Variants in NUP153 observed in about 807,000 individuals in gnomAD.
NUP153 encodes nucleoporin 153, also known as nuclear pore complex protein Nup153.
A neutral mutation model predicts 134.6 loss-of-function variants in NUP153; 27 were observed. The ratio of observed to expected loss-of-function variants is 0.20; its 90% CI spans 0.15 to 0.28. The LOEUF (loss-of-function observed/expected upper bound fraction) is 0.28, where lower values mean the gene tolerates loss of function less well. NUP153 is among the 10% of genes least tolerant of loss of function. The pLI, the probability that NUP153 is intolerant of heterozygous loss-of-function variation, is 1.00. For synonymous variants in NUP153, 640 were observed against 623.5 expected (o/e 1.03, Z -0.40); for missense variants, 1,821 against 1,731.3 (o/e 1.05, Z -0.92).
intron 8 of NUP153, among the ~76,000 whole-genome samples, chr6:17,668,186 C>G (rs1475349340): frequency 6.7e-6 from 1 of 150,032 alleles, no homozygotes; most frequent in African/African-American, 2.5e-5. Flanking sequence ...AGTGATTCTC[C>G]TGCCTCAGCC....
chr6:17,681,841 G>A (rs1768598577), intron 2 of NUP153, among the ~76,000 whole-genome samples: 1 of 152,052 alleles, frequency 6.6e-6, no homozygotes, highest in South Asian at 2.1e-4. Context: ...GGAGAAAAGT[G>A]ATAGGATAAT....
At chr6:17,649,569 C>G (rs1296647960) in intron 11 of NUP153, among the ~76,000 whole-genome samples, 1 of 8,158 alleles carries the variant, frequency 1.2e-4, no homozygotes, top group East Asian at 0.05. Flanking sequence ...CGATATACTA[C>G]AGTTGTACTA....
intron 1 of NUP153, among the ~76,000 whole-genome samples, chr6:17,702,245 T>C (rs956303498): frequency 3.3e-5 from 5 of 152,092 alleles, no homozygotes; most frequent in African/African-American, 4.8e-5. Flanking sequence ...AGGTAGCTCA[T>C]GCCTGTAATA....
In NUP153 at chr6:17,706,477, G is replaced by A; in HGVS notation, c.-90C>T. The A allele has an allele frequency of 2.0e-6, 2 of 981,782 alleles. No individual in the cohort carries two copies. Among genetic ancestry groups the A allele is most frequent in the Non-Finnish European group, 1.5e-6 (1 of 669,330 alleles). The allele number at this position is 981,782 out of a possible 1,614,324, so 60.8% of individuals were successfully genotyped here. ...CCTTAGAGAGCCTCCCCCGCCGCCCGGCCCCGGCCCAAAAGTCCGCCCGCG... is the reference window on the plus strand; with the variant it reads ...CCTTAGAGAGCCTCCCCCGCCGCCCAGCCCCGGCCCAAAAGTCCGCCCGCG... On this transcript the variant is annotated 5_prime_UTR_variant, in exon 1 of 22. Transcript: ENST00000262077. This position sits in a 1 kb window ranked among gnomAD's most constrained non-coding sequence, Gnocchi z 5.9.
At position 17,624,624 on chromosome 6, in the gene NUP153, G is replaced by C. The variant is rs200132365; in HGVS notation, c.4111C>G (p.Pro1371Ala). The stretch of plus-strand genomic sequence containing the variant: ...CTAGGTTGCTGTCCAAACACAGGGG[G>C]CTGGCTACTGCTTGACACTGTCCCA... ...TFGTVSSSSQ[P>A]PVFGQQPSQS... The change falls in exon 20 of 22, where the codon CCC becomes GCC. Residue 1371 changes from proline (P) to alanine (A), a missense_variant. Pro to Ala is a conservative substitution (Grantham distance 27). Transcript: ENST00000262077. 2.8e-5 allele frequency: 46 copies of C among 1,614,178 alleles called. 1 individual carries two copies. Among genetic ancestry groups the C allele is most frequent in the South Asian group, 1.9e-4 (17 of 91,088 alleles).
intron 5 of NUP153, 124 bp from the exon 6 acceptor site, chr6:17,669,670 C>T (rs1310816480): frequency 5.9e-6 from 4 of 680,354 alleles, no homozygotes; most frequent in Admixed American, 2.6e-5. Context: ...GCATTAACAG[C>T]AATTTATCTT....
chr6:17,652,562 A>C (rs1259314869), intron 11 of NUP153, among the ~76,000 whole-genome samples: 1 of 152,202 alleles, frequency 6.6e-6, no homozygotes, highest in Non-Finnish European at 1.5e-5. Context: ...GAATAAAAAT[A>C]TTAGAAAAAA....
In NUP153 at chr6:17,690,379, CA is replaced by C. The variant is rs533406764; in HGVS notation, c.112-1762del. ...TGGGCGACAGAGCGAGACTCCGTCT[CA>C]AAAAAAAAAGTATGGGCTTTGGGAT... On this transcript the variant is annotated intron_variant, in intron 1 of 21. Coordinates refer to ENST00000262077, the MANE Select transcript of NUP153 (RefSeq NM_005124.4). Among the ~76,000 whole-genome samples the C allele has an allele frequency of 1.4e-4, 20 of 138,940 alleles. No individual in the cohort carries two copies. The South Asian group carries it at 3.5e-3, about 24-fold the overall frequency. The allele number at this position is 138,940 out of a possible 152,430, so 91.2% of individuals were successfully genotyped here.
chr6:17,671,860 T>C (rs1311770624), intron 5 of NUP153, among the ~76,000 whole-genome samples: 3 of 151,944 alleles, frequency 2.0e-5, no homozygotes, highest in Non-Finnish European at 4.4e-5. Context: ...ATACAAAAAT[T>C]AGTGGGGCAT....
rs755146558 is a variant in NUP153, at chr6:17,669,415, A to G, written c.969+15T>C. ...TTGTTACACTCCTGTATTAATCGTG[A>G]TTTTAAAAATTTACCGCTAAAGGGC... On this transcript the variant is annotated intron_variant, in intron 6 of 21. Transcript: ENST00000262077. 10 of 1,606,752 alleles carry G rather than the reference A, an allele frequency of 6.2e-6. No homozygotes were observed. The Admixed American group carries it at 6.7e-5, about 11-fold the overall frequency.
intron 1 of NUP153, among the ~76,000 whole-genome samples, chr6:17,695,972 G>A (rs1581779463): frequency 6.6e-6 from 1 of 151,950 alleles, no homozygotes; most frequent in African/African-American, 2.4e-5. Flanking sequence ...TTGCACCACT[G>A]CACTCCAGCC....
intron 17 of NUP153, among the ~76,000 whole-genome samples, chr6:17,632,232 C>T (rs527831238): frequency 1.3e-5 from 2 of 151,952 alleles, no homozygotes; most frequent in Admixed American, 6.6e-5. Flanking sequence ...ACCTGGGAGG[C>T]GGAGATTGCA....
At chr6:17,618,605 G>C (rs538321191) in intron 20 of NUP153, among the ~76,000 whole-genome samples, 1 of 142,940 alleles carries the variant, frequency 7.0e-6, no homozygotes, top group Non-Finnish European at 1.5e-5. Context: ...TGGCTCTGTT[G>C]CCCAGGCTGG....
intron 18 of NUP153, 62 bp from the exon 19 acceptor site, chr6:17,626,226 T>C: frequency 7.9e-7 from 1 of 1,270,702 alleles, no homozygotes; most frequent in South Asian, 1.4e-5. Context: ...AAAGTACTTT[T>C]TCCTACCCTA....
chr6:17,643,102 C>T (rs1350638677), intron 14 of NUP153, among the ~76,000 whole-genome samples: 1 of 152,150 alleles, frequency 6.6e-6, no homozygotes, highest in Non-Finnish European at 1.5e-5. Context: ...GTGGTGGCTG[C>T]ACAACGCTGT....
chr6:17,703,212 A>T (rs1393473840), intron 1 of NUP153, among the ~76,000 whole-genome samples: 1 of 150,094 alleles, frequency 6.7e-6, no homozygotes, highest in Non-Finnish European at 1.5e-5. Context: ...AAAAAAAAAA[A>T]AATTAAAAAA....
chr6:17,639,827 A>G (rs1765745100), intron 15 of NUP153, 112 bp downstream of exon 15: 1 of 918,106 alleles, frequency 1.1e-6, no homozygotes, highest in African/African-American at 1.7e-5. Context: ...TCAAAAGTAA[A>G]TCTCCTACCA....
At position 17,616,639 on chromosome 6, in the gene NUP153, G is replaced by T; in HGVS notation, c.4231C>A (p.Pro1411Thr). The change falls in exon 21 of 22, where the codon CCA becomes ACA. Residue 1411 changes from proline (P) to threonine (T), a missense_variant. By Grantham distance (38) the Pro-to-Thr change is conservative (BLOSUM62 -1). Coordinates refer to ENST00000262077, the MANE Select transcript of NUP153 (RefSeq NM_005124.4). ...TTNFNFTNNS[P>T]SGVFTFGANS... The stretch of plus-strand genomic sequence containing the variant: ...GCACCAAATGTGAACACTCCTGATG[G>T]ACTGTTGTTTGTGAAGTTGAAATTT... The T allele has an allele frequency of 6.2e-7, 1 of 1,613,870 alleles. No individual in the cohort carries two copies. The highest frequency in any genetic ancestry group is 8.5e-7 in the Non-Finnish European group (1 of 1,179,802).
intron 15 of NUP153, 33 bp from the exon 16 acceptor site, chr6:17,637,803 G>C (rs765089329): frequency 2.6e-6 from 4 of 1,551,284 alleles, no homozygotes; most frequent in Non-Finnish European, 3.5e-6. Context: ...TGCAACGTTA[G>C]AGAAGCTTTA....
Sources: allele counts gnomAD v4.1 joint callset (sites outside exome capture counted in the v4.1 genomes callset), GRCh38; gene constraint gnomAD v4.1.1; non-coding constraint Gnocchi (gnomAD v3.1); transcripts MANE v1.5; gene names NCBI Gene and HGNC (gene_info 2026-07-23, HGNC 2026-07-21).